SLC24A2: variants seen among roughly 807,000 people sequenced by gnomAD.
The protein encoded by SLC24A2 is solute carrier family 24 member 2, also known as sodium/potassium/calcium exchanger 2.
Under a neutral mutation model 62.0 loss-of-function variants are expected in SLC24A2, and 36 were observed. The ratio of observed to expected loss-of-function variants is 0.58; its 90% CI spans 0.44 to 0.77. The LOEUF (loss-of-function observed/expected upper bound fraction) is 0.77, where lower values mean the gene tolerates loss of function less well. SLC24A2 is among the 30% of genes least tolerant of loss of function. The pLI, the probability that SLC24A2 is intolerant of heterozygous loss-of-function variation, is 0.00. For synonymous variants in SLC24A2, 358 were observed against 294.0 expected, an observed-to-expected ratio of 1.22 and a Z score of -2.23; for missense variants, 846 against 817.9, an observed-to-expected ratio of 1.03 and a Z score of -0.42.
At chr9:20,189,348 C>G in the SLC24A2 span, among the ~76,000 whole-genome samples, 4 of 152,288 alleles carry the variant, frequency 2.6e-5, no homozygotes, top group East Asian at 7.7e-4. Flanking sequence ...CTGCTGGGAG[C>G]TCTGGAGGCT....
intron 2 of SLC24A2, among the ~76,000 whole-genome samples, chr9:19,693,921 TA>T (rs1228308058): frequency 6.6e-6 from 1 of 152,056 alleles, no homozygotes; most frequent in Middle Eastern, 3.2e-3. Flanking sequence ...GATAAATATC[TA>T]AAAAACAGAT....
rs537692165 is a variant in SLC24A2, at chr9:19,780,554, C to T, written c.930+5383G>A. 1.7e-4 allele frequency among the ~76,000 whole-genome samples: 26 copies of T among 151,644 alleles called. No homozygotes were observed. In the East Asian group the frequency reaches 5.0e-3, roughly 29 times the overall value. ...GTGCTGGGATTACAGGTGTGAGCCA[C>T]CGCGCCCGGCCACACAGGTTAAAAT... On this transcript the variant is annotated intron_variant, in intron 2 of 10. Transcript: ENST00000341998.
At chr9:19,699,762 A>T (rs1481622306) in intron 2 of SLC24A2, among the ~76,000 whole-genome samples, 4 of 152,104 alleles carry the variant, frequency 2.6e-5, no homozygotes, top group Non-Finnish European at 5.9e-5. Flanking sequence ...TGTTTTCCAA[A>T]TTTTCTGCAA....
At chr9:20,003,982 G>GA in the SLC24A2 span, among the ~76,000 whole-genome samples, 5 of 152,006 alleles carry the variant, frequency 3.3e-5, no homozygotes, top group Admixed American at 2.6e-4. Flanking sequence ...AAAATCTGGG[G>GA]AAAAAACCTT....
the SLC24A2 span, among the ~76,000 whole-genome samples, chr9:20,196,176 A>G: frequency 0.18 from 27,444 of 152,200 alleles, 2,895 homozygotes; most frequent in African/African-American, 0.29. Flanking sequence ...ACACTATTTG[A>G]CAATATGTAT....
chr9:19,702,025 C>A (rs1293633624), intron 2 of SLC24A2, among the ~76,000 whole-genome samples: 2 of 152,134 alleles, frequency 1.3e-5, no homozygotes, highest in Non-Finnish European at 2.9e-5. Flanking sequence ...TATAAAAAAA[C>A]CACATGATCT....
the SLC24A2 span, among the ~76,000 whole-genome samples, chr9:20,277,481 A>G: frequency 1.1e-3 from 174 of 151,844 alleles, no homozygotes; most frequent in Non-Finnish European, 2.2e-3. Flanking sequence ...AAGACACATG[A>G]AAAAATGTTC....
chr9:20,000,985 T>A, the SLC24A2 span, among the ~76,000 whole-genome samples: 1 of 152,216 alleles, frequency 6.6e-6, no homozygotes, highest in African/African-American at 2.4e-5. Context: ...GAATATTATC[T>A]TGGTATCCAA....
At position 19,706,614 on chromosome 9, in the gene SLC24A2, G is replaced by A. The variant is rs1459589769; in HGVS notation, c.930+79323C>T. 7.2e-5 allele frequency among the ~76,000 whole-genome samples: 11 copies of A among 152,010 alleles called. No individual in the cohort carries two copies. The East Asian group carries it at 1.5e-3, about 21-fold the overall frequency. On this transcript the variant is annotated intron_variant, in intron 2 of 10. Coordinates refer to ENST00000341998, the MANE Select transcript of SLC24A2 (RefSeq NM_020344.4). Reference sequence around the variant, plus strand: ...AGGATGGTCTCGATCTCCTGACCTCGTGATCCGCTCGTCTCGGCCTCCCAA... The same window carrying A: ...AGGATGGTCTCGATCTCCTGACCTCATGATCCGCTCGTCTCGGCCTCCCAA...
chr9:19,610,556 G>C (rs926284509), intron 4 of SLC24A2, among the ~76,000 whole-genome samples: 1 of 152,224 alleles, frequency 6.6e-6, no homozygotes, highest in Non-Finnish European at 1.5e-5. Context: ...CATCAGGAAG[G>C]TGTGAGGCAG....
At chr9:19,993,531 C>A in the SLC24A2 span, among the ~76,000 whole-genome samples, 1 of 152,136 alleles carries the variant, frequency 6.6e-6, no homozygotes, top group South Asian at 2.1e-4. Flanking sequence ...GTTATTCATT[C>A]CGAACATTAA....
chr9:20,182,878 A>T, the SLC24A2 span, among the ~76,000 whole-genome samples: 1 of 152,260 alleles, frequency 6.6e-6, no homozygotes, highest in African/African-American at 2.4e-5. Context: ...CAAAATGGTA[A>T]CAATAGGTAT....
At chr9:19,847,987 T>C in the SLC24A2 span, among the ~76,000 whole-genome samples, 2 of 152,308 alleles carry the variant, frequency 1.3e-5, no homozygotes, top group Admixed American at 1.3e-4. Context: ...AAGGGACTTC[T>C]CTTTTTCAAC....
At chr9:20,113,318 A>G in the SLC24A2 span, among the ~76,000 whole-genome samples, 1 of 152,122 alleles carries the variant, frequency 6.6e-6, no homozygotes, top group Non-Finnish European at 1.5e-5. Flanking sequence ...AGTGACTTCA[A>G]TTCTCTGTGC....
the SLC24A2 span, among the ~76,000 whole-genome samples, chr9:20,137,089 G>C: frequency 6.6e-6 from 1 of 152,076 alleles, no homozygotes; most frequent in African/African-American, 2.4e-5. Flanking sequence ...AAGTATGGTC[G>C]AAAGTACTGT....
At chr9:19,816,786 G>T in the SLC24A2 span, among the ~76,000 whole-genome samples, 1 of 151,812 alleles carries the variant, frequency 6.6e-6, no homozygotes, top group African/African-American at 2.4e-5. Flanking sequence ...CACTCACTAT[G>T]GCAAGAACAC....
At chr9:20,089,045 C>G in the SLC24A2 span, among the ~76,000 whole-genome samples, 2 of 152,160 alleles carry the variant, frequency 1.3e-5, no homozygotes, top group Non-Finnish European at 2.9e-5. Context: ...GCCTGGGTCT[C>G]CAGCCATCCC....
At chr9:19,704,291 A>C (rs936119803) in intron 2 of SLC24A2, among the ~76,000 whole-genome samples, 3 of 152,228 alleles carry the variant, frequency 2.0e-5, no homozygotes, top group Non-Finnish European at 4.4e-5. Context: ...ATTTGCAATT[A>C]AATGAAATAG....
chr9:20,304,598 T>G, the SLC24A2 span, among the ~76,000 whole-genome samples: 1 of 152,198 alleles, frequency 6.6e-6, no homozygotes, highest in African/African-American at 2.4e-5. Context: ...AAAGCCTACT[T>G]TACCCATCAG....
Sources: gnomAD v4.1 joint callset for allele counts (sites outside exome capture counted in the v4.1 genomes callset) on GRCh38, gnomAD v4.1.1 for gene constraint, MANE v1.5 for transcripts, NCBI Gene and HGNC (gene_info 2026-07-23, HGNC 2026-07-21) for gene names.